The following DCC variants were observed in gnomAD, a reference collection of about 807,000 sequenced individuals.
The protein encoded by DCC is DCC netrin 1 receptor.
In DCC, 58 loss-of-function variants were observed where a neutral mutation model predicts 172.5. The observed-to-expected ratio is 0.34, with a 90% confidence interval of 0.27 to 0.42. The LOEUF (loss-of-function observed/expected upper bound fraction) is 0.42. DCC is among the 10% of genes least tolerant of loss of function. The pLI, the probability that DCC is intolerant of heterozygous loss-of-function variation, is 1.00. For synonymous variants in DCC, 709 were observed against 644.5 expected, an observed-to-expected ratio of 1.10 and a Z score of -1.52; for missense variants, 1,740 against 1,791.0, an observed-to-expected ratio of 0.97 and a Z score of 0.51.
At chr18:53,207,540 G>C in intron 10 of DCC, 139 bp from the exon 11 acceptor site, 2 of 779,416 alleles carry the variant, frequency 2.6e-6, no homozygotes, top group Non-Finnish European at 4.3e-6. Context: ...TGTGTCACAA[G>C]GTAGGTTTTA....
intron 9 of DCC, among the ~76,000 whole-genome samples, chr18:53,188,648 C>A (rs1342397558): frequency 2.0e-5 from 3 of 152,194 alleles, no homozygotes; most frequent in African/African-American, 7.2e-5. Flanking sequence ...GCTACCTTAA[C>A]AAAGTGCCAC....
chr18:52,722,927 T>C (rs1211476372), intron 1 of DCC, among the ~76,000 whole-genome samples: 4 of 151,882 alleles, frequency 2.6e-5, no homozygotes, highest in Non-Finnish European at 1.5e-5. Flanking sequence ...TTTTATGTGT[T>C]AGAAAATGTT....
intron 1 of DCC, among the ~76,000 whole-genome samples, chr18:52,489,937 A>G (rs1475160904): frequency 2.0e-5 from 3 of 152,144 alleles, no homozygotes; most frequent in Non-Finnish European, 2.9e-5. Flanking sequence ...TTTTACAAAC[A>G]TTTATTGTGA....
At chr18:52,469,624 TTTAA>T (rs1419977735) in intron 1 of DCC, among the ~76,000 whole-genome samples, 1 of 152,222 alleles carries the variant, frequency 6.6e-6, no homozygotes, top group Non-Finnish European at 1.5e-5. Context: ...AAATTTTAGC[TTTAA>T]TTGGGTGCCC....
intron 2 of DCC, among the ~76,000 whole-genome samples, chr18:52,839,564 C>G (rs919510736): frequency 1.3e-5 from 2 of 152,206 alleles, no homozygotes; most frequent in African/African-American, 4.8e-5. Context: ...CCCACCAGCC[C>G]TCTTCTTGAC....
At chr18:52,613,121 G>C (rs2034305903) in intron 1 of DCC, among the ~76,000 whole-genome samples, 1 of 152,176 alleles carries the variant, frequency 6.6e-6, no homozygotes, top group Non-Finnish European at 1.5e-5. Context: ...TAGTGATAGG[G>C]ATGCTTCATT....
At chr18:52,947,767 G>T (rs1301550395) in intron 5 of DCC, among the ~76,000 whole-genome samples, 1 of 152,132 alleles carries the variant, frequency 6.6e-6, no homozygotes, top group Admixed American at 6.5e-5. Flanking sequence ...TGGCTGCCTG[G>T]GTTCCTTGAA....
intron 2 of DCC, among the ~76,000 whole-genome samples, chr18:52,821,090 C>G (rs1253844229): frequency 2.0e-5 from 3 of 152,148 alleles, no homozygotes; most frequent in Admixed American, 6.6e-5. Context: ...AATACTCTTT[C>G]TTCTTTCCTC....
At chr18:53,181,760 T>G (rs2055201144) in intron 9 of DCC, among the ~76,000 whole-genome samples, 1 of 152,224 alleles carries the variant, frequency 6.6e-6, no homozygotes, top group African/African-American at 2.4e-5. Context: ...CTCAGCAGAT[T>G]TGGGGGGAAG....
chr18:52,709,501 G>T (rs897299618), intron 1 of DCC, among the ~76,000 whole-genome samples: 1 of 152,182 alleles, frequency 6.6e-6, no homozygotes, highest in Non-Finnish European at 1.5e-5. Context: ...ATGTCAGTCA[G>T]CAGTGACATC....
chr18:53,453,997 G>C (rs1412151535), intron 23 of DCC, among the ~76,000 whole-genome samples: 1 of 152,108 alleles, frequency 6.6e-6, no homozygotes, highest in Non-Finnish European at 1.5e-5. Context: ...ACTTTGAAGA[G>C]ACCCCTTCCA....
At chr18:52,681,254 C>T (rs2035745784) in intron 1 of DCC, among the ~76,000 whole-genome samples, 2 of 152,032 alleles carry the variant, frequency 1.3e-5, no homozygotes, top group Non-Finnish European at 2.9e-5. Context: ...TCCTCCAAAG[C>T]CATTTTTTTC....
intron 1 of DCC, among the ~76,000 whole-genome samples, chr18:52,624,266 C>A (rs368125559): frequency 2.0e-5 from 3 of 152,042 alleles, no homozygotes; most frequent in African/African-American, 7.2e-5. Flanking sequence ...ATATAAATAT[C>A]CAAATATCAA....
intron 1 of DCC, among the ~76,000 whole-genome samples, chr18:52,716,368 T>C: frequency 6.6e-6 from 1 of 152,196 alleles, no homozygotes; most frequent in East Asian, 1.9e-4. Flanking sequence ...TGTCAACCCA[T>C]GACGGACAGT....
At chr18:53,068,160 T>A (rs1192686170) in intron 7 of DCC, among the ~76,000 whole-genome samples, 1 of 152,196 alleles carries the variant, frequency 6.6e-6, no homozygotes, top group Non-Finnish European at 1.5e-5. Flanking sequence ...ACTTCATTGG[T>A]GTGACTAAGT....
chr18:53,251,235 G>A (rs2056427921), intron 12 of DCC, among the ~76,000 whole-genome samples: 1 of 151,884 alleles, frequency 6.6e-6, no homozygotes, highest in South Asian at 2.1e-4. Context: ...AATTCACCAT[G>A]ATTTCCTAAT....
At chr18:52,555,618 T>C (rs1417526840) in intron 1 of DCC, among the ~76,000 whole-genome samples, 2 of 152,120 alleles carry the variant, frequency 1.3e-5, no homozygotes, top group East Asian at 1.9e-4. Flanking sequence ...TATTTTGATA[T>C]TGGCCATTAA....
chr18:52,461,664 T>A (rs1304618211), intron 1 of DCC, among the ~76,000 whole-genome samples: 1 of 152,228 alleles, frequency 6.6e-6, no homozygotes, highest in Non-Finnish European at 1.5e-5. Context: ...ATGGGACCAC[T>A]GTTGCGTACA....
intron 1 of DCC, among the ~76,000 whole-genome samples, chr18:52,390,430 C>T (rs1178855352): frequency 6.6e-6 from 1 of 151,996 alleles, no homozygotes; most frequent in Non-Finnish European, 1.5e-5. Context: ...AGAGGTTTAC[C>T]CTGCCTACAG....
Sources: allele counts gnomAD v4.1 joint callset (sites outside exome capture counted in the v4.1 genomes callset), GRCh38; gene constraint gnomAD v4.1.1; transcripts MANE v1.5; gene names NCBI Gene and HGNC (gene_info 2026-07-23, HGNC 2026-07-21).